PBX1: variants seen among roughly 807,000 people sequenced by gnomAD.
PBX1 encodes PBX homeobox 1.
Under a neutral mutation model 53.4 loss-of-function variants are expected in PBX1, and 6 were observed. That is an observed-to-expected ratio of 0.11 (90% CI 0.06 to 0.22). The LOEUF (loss-of-function observed/expected upper bound fraction) is 0.22. PBX1 is among the 10% of genes least tolerant of loss of function. The pLI is 1.00. For synonymous variants in PBX1, 204 were observed against 212.3 expected (o/e 0.96, Z 0.34); for missense variants, 251 against 551.4 (o/e 0.46, Z 5.46).
At chr1:164,774,185 A>G (rs1197811956) in intron 2 of PBX1, among the ~76,000 whole-genome samples, 1 of 152,192 alleles carries the variant, frequency 6.6e-6, no homozygotes, top group East Asian at 1.9e-4. Context: ...TAAACCTAAC[A>G]TAAGACAATT....
At chr1:164,789,441 G>A (rs764971373) in intron 2 of PBX1, among the ~76,000 whole-genome samples, 8 of 152,110 alleles carry the variant, frequency 5.3e-5, no homozygotes, top group Non-Finnish European at 1.0e-4. Context: ...CTGGAGGAGC[G>A]AGGATCAGAA....
At chr1:164,770,088 T>C (rs538583846) in intron 2 of PBX1, 1 of 152,328 alleles carries the variant, frequency 6.6e-6, no homozygotes, top group East Asian at 1.9e-4. Flanking sequence ...TGGGTCAGCA[T>C]AGACAATGTA....
At chr1:164,738,810 C>T (rs1473023036) in intron 2 of PBX1, among the ~76,000 whole-genome samples, 1 of 152,170 alleles carries the variant, frequency 6.6e-6, no homozygotes, top group East Asian at 1.9e-4. Flanking sequence ...TTAAATTGTG[C>T]AGTTATTTTA....
At chr1:164,569,178 A>C (rs1653654452) in intron 2 of PBX1, among the ~76,000 whole-genome samples, 1 of 152,236 alleles carries the variant, frequency 6.6e-6, no homozygotes, top group Non-Finnish European at 1.5e-5. Context: ...CTATAATAGT[A>C]GTGGTTAAGG....
intron 2 of PBX1, among the ~76,000 whole-genome samples, chr1:164,653,429 A>T (rs1659958301): frequency 6.6e-6 from 1 of 151,796 alleles, no homozygotes; most frequent in South Asian, 2.1e-4. Context: ...CACATGGGTG[A>T]TGGCCTGGCT....
chr1:164,698,597 T>TA (rs1266247032), intron 2 of PBX1, among the ~76,000 whole-genome samples: 1 of 152,134 alleles, frequency 6.6e-6, no homozygotes, highest in Non-Finnish European at 1.5e-5. Flanking sequence ...GCCAGGATGC[T>TA]AGCAGAGGAT....
intron 2 of PBX1, among the ~76,000 whole-genome samples, chr1:164,657,924 C>G (rs1360279568): frequency 1.3e-5 from 2 of 152,112 alleles, no homozygotes; most frequent in East Asian, 3.9e-4. Flanking sequence ...TTTGCCACTC[C>G]ATGTCTTGCC....
At chr1:164,844,887 G>A (rs893930726) in intron 8 of PBX1, among the ~76,000 whole-genome samples, 3 of 152,146 alleles carry the variant, frequency 2.0e-5, no homozygotes, top group South Asian at 4.1e-4. Flanking sequence ...ATTGTTCTCC[G>A]TCTAATCTGT....
intron 5 of PBX1, among the ~76,000 whole-genome samples, chr1:164,810,163 CAAAATTAACTTGTTCAAAATGTGA>C (rs1669537340): frequency 6.6e-6 from 1 of 152,136 alleles, no homozygotes; most frequent in Admixed American, 6.6e-5. Flanking sequence ...AGAGGTTCTT[CAAAATTAACTTGTTCAAAATGTGA>C]ATCAAACTCT....
chr1:164,657,131 CATGTAGAGATGATAAA>C (rs1333367101), intron 2 of PBX1: 2 of 152,136 alleles, frequency 1.3e-5, no homozygotes, highest in African/African-American at 4.8e-5. Context: ...GATAAGAACA[CATGTAGAGATGATAAA>C]ATGTCATTGG....
chr1:164,560,460 CA>C, intron 1 of PBX1: 1 of 341,438 alleles, frequency 2.9e-6, no homozygotes, highest in Non-Finnish European at 5.2e-6. Flanking sequence ...ACTTTATTTG[CA>C]AATTTAGTTG....
chr1:164,649,148 C>A (rs1659636641), intron 2 of PBX1, among the ~76,000 whole-genome samples: 1 of 152,150 alleles, frequency 6.6e-6, no homozygotes, highest in South Asian at 2.1e-4. Context: ...CTCCCACCGC[C>A]ATGCGCTTAG....
rs1235392861 is a variant in PBX1 at position 164,849,922 on chromosome 1, TACTC to T, written c.*3248_*3251del. On this transcript the variant is annotated 3_prime_UTR_variant, in exon 9 of 9. Transcript: ENST00000420696. ...AAAAACTTTAAAAGAAACAAAAAAATACTCAACGATTCTTTCAGCTTTATTAACA... is the reference window on the plus strand; with the variant it reads ...AAAAACTTTAAAAGAAACAAAAAAATAACGATTCTTTCAGCTTTATTAACA... The T allele has an allele frequency of 1.3e-5, 3 of 228,442 alleles. No homozygotes were observed. Among genetic ancestry groups the T allele is most frequent in the Non-Finnish European group, 8.7e-6 (1 of 115,250 alleles). The allele number at this position is 228,442 out of a possible 1,614,324, so 14.2% of individuals were successfully genotyped here.
intron 2 of PBX1, among the ~76,000 whole-genome samples, chr1:164,858,064 T>C (rs1672014712): frequency 6.6e-6 from 1 of 152,282 alleles, no homozygotes; most frequent in African/African-American, 2.4e-5. Context: ...ATATTTTCTT[T>C]CTTTTATATC....
intron 3 of PBX1, among the ~76,000 whole-genome samples, chr1:164,799,349 G>A (rs1023815465): frequency 6.6e-6 from 1 of 152,000 alleles, no homozygotes; most frequent in Non-Finnish European, 1.5e-5. Context: ...AAATTAGCTG[G>A]GCGTGGTGGC....
Position 164,799,814 on chromosome 1 carries a change from G to C in PBX1, c.626G>C (p.Ser209Thr). The part of the protein sequence containing the change: ...RMVSIIHRKF[S>T]SIQMQLKQST... ...GTCAGCATCATCCACCGCAAGTTCA[G>C]CTCCATCCAGATGCAGCTCAAGCAG... The change falls in exon 4 of 9, where the codon AGC (serine) becomes ACC (threonine). Residue 209 changes from serine (S) to threonine (T), a missense_variant. Ser to Thr is a moderately conservative substitution (Grantham distance 58). Around this residue, in one of 4 missense-constraint regions of PBX1, gnomAD observed 76 missense variants for 197.5 expected, o/e 0.38. Coordinates refer to ENST00000420696, the MANE Select transcript of PBX1 (RefSeq NM_002585.4). 1 of 1,614,116 alleles carries C rather than the reference G, an allele frequency of 6.2e-7. No individual in the cohort carries two copies. Among genetic ancestry groups the C allele is most frequent in the East Asian group, 2.2e-5 (1 of 44,856 alleles).
chr1:164,771,663 T>A (rs1257919771), intron 2 of PBX1: 3 of 152,144 alleles, frequency 2.0e-5, no homozygotes, highest in Non-Finnish European at 4.4e-5. Context: ...CCAGCCACAC[T>A]GGGACAAACT....
intron 2 of PBX1, among the ~76,000 whole-genome samples, chr1:164,664,011 A>G (rs1346857031): frequency 1.3e-5 from 2 of 152,232 alleles, no homozygotes; most frequent in African/African-American, 2.4e-5. Context: ...TGAAAGAGCA[A>G]AAAGGCTGGA....
intron 2 of PBX1, among the ~76,000 whole-genome samples, chr1:164,671,663 CAT>C (rs1356014148): frequency 1.3e-5 from 2 of 151,940 alleles, no homozygotes; most frequent in African/African-American, 4.8e-5. Context: ...TTTCTGGGAA[CAT>C]GTGTGTAAGG....
Sources: allele counts gnomAD v4.1 joint callset (sites outside exome capture counted in the v4.1 genomes callset), GRCh38; gene constraint gnomAD v4.1.1; regional missense constraint gnomAD v4.1.1; transcripts MANE v1.5; gene names NCBI Gene and HGNC (gene_info 2026-07-23, HGNC 2026-07-21).